ZNF518A: variants seen among roughly 807,000 people sequenced by gnomAD.
ZNF518A encodes the protein zinc finger protein 518A.
A neutral mutation model predicts 102.7 loss-of-function variants in ZNF518A; 47 were observed. That is an observed-to-expected ratio of 0.46 (90% CI 0.36 to 0.58). The LOEUF is 0.58. Ranked by LOEUF, ZNF518A falls within the 20% of genes least tolerant of loss-of-function variation. The pLI is 0.00. For missense variants in ZNF518A, 1,793 were observed against 1,699.8 expected, an observed-to-expected ratio of 1.05 and a Z score of -0.96; for synonymous variants, 652 against 594.6, an observed-to-expected ratio of 1.10 and a Z score of -1.40.
chr10:96,148,113 T>G (rs1374329083), intron 3 of ZNF518A, among the ~76,000 whole-genome samples: 1 of 152,248 alleles, frequency 6.6e-6, no homozygotes. Context: ...CCTGTTCTTA[T>G]TTCTTATATC....
At position 96,157,665 on chromosome 10, in the gene ZNF518A, A is replaced by G. The variant is rs1203261871; in HGVS notation, c.1343A>G (p.Lys448Arg). ...TATAATGCTACGTTTATGGGCTTCA[A>G]GATGATGGATGGAAAACAGCATATT... ...PNYNATFMGF[K>R]MMDGKQHIVL... The change falls in exon 6 of 6, where the codon AAG becomes AGG. Residue 448 changes from lysine to arginine, a missense_variant. Lys to Arg is a conservative substitution (Grantham distance 26). Transcript: ENST00000316045. The G allele has an allele frequency of 1.9e-6, 3 of 1,613,868 alleles. No individual in the cohort carries two copies. Among genetic ancestry groups the G allele is most frequent in the Non-Finnish European group, 2.5e-6 (3 of 1,179,792 alleles).
At chr10:96,133,257 C>CA (rs2081430247) in intron 2 of ZNF518A, among the ~76,000 whole-genome samples, 1 of 152,054 alleles carries the variant, frequency 6.6e-6, no homozygotes, top group Non-Finnish European at 1.5e-5. Flanking sequence ...TATGAATGGC[C>CA]AGAAGATTGT....
intron 1 of ZNF518A, among the ~76,000 whole-genome samples, chr10:96,192,871 C>A (rs587746245): frequency 6.6e-6 from 1 of 152,274 alleles, no homozygotes; most frequent in Non-Finnish European, 1.5e-5. Flanking sequence ...TATTTAGAAT[C>A]ACTTTTTAAA....
intron 3 of ZNF518A, among the ~76,000 whole-genome samples, chr10:96,153,414 T>C (rs188040923): frequency 1.3e-5 from 2 of 152,290 alleles, no homozygotes; most frequent in East Asian, 3.9e-4. Flanking sequence ...ATACCTAAAA[T>C]TAACCATCAC....
intron 3 of ZNF518A, among the ~76,000 whole-genome samples, chr10:96,142,491 C>T (rs1245495969): frequency 2.2e-4 from 33 of 152,074 alleles, no homozygotes; most frequent in Non-Finnish European, 1.5e-5. Flanking sequence ...GATTGAATGA[C>T]TTAAGGAATG....
At chr10:96,185,493 G>T (rs1554892480) in intron 1 of ZNF518A, among the ~76,000 whole-genome samples, 2 of 152,174 alleles carry the variant, frequency 1.3e-5, no homozygotes, top group Admixed American at 1.3e-4. Flanking sequence ...TGGGGTTTTG[G>T]TGTGGATGTT....
At chr10:96,191,851 C>T in intron 1 of ZNF518A, 1 of 1,337,046 alleles carries the variant, frequency 7.5e-7, no homozygotes, top group Non-Finnish European at 1.1e-6. Context: ...TAGCTGACTC[C>T]ATCTTCCATT....
At position 96,184,203 on chromosome 10, in the gene ZNF518A, G is replaced by A. The variant is rs587663359; in HGVS notation, n.36-19371G>A. Among the ~76,000 whole-genome samples the A allele has an allele frequency of 1.6e-4, 25 of 152,202 alleles. No homozygotes were observed. The East Asian group carries it at 1.7e-3, about 11-fold the overall frequency. ...TTTGAGCCTATGTGTGTCTCTGCAC[G>A]TGAGATGGGTCTCCTGAATACAGCA... is the stretch of plus-strand genomic sequence containing the variant. On this transcript the variant is annotated intron_variant and non_coding_transcript_variant, in intron 1 of 2. Transcript: ENST00000442635.
At chr10:96,167,503 A>C (rs2083148622), downstream of ZNF518A, among the ~76,000 whole-genome samples, 1 of 152,202 alleles carries the variant, frequency 6.6e-6, no homozygotes, top group Non-Finnish European at 1.5e-5. Context: ...GTGAAGAATT[A>C]AGGAAAGTAT....
Position 96,200,012 on chromosome 10 carries a change from AT to A in ZNF518A, n.36-3561del. On this transcript the variant is annotated intron_variant and non_coding_transcript_variant, in intron 1 of 2. Coordinates refer to the ZNF518A transcript ENST00000442635. The surrounding 1 kb of genome is among the most constrained non-coding windows in gnomAD (Gnocchi z 4.3). ...CACTGCACTCCAGTGAAACTGCATC[AT>A]CTCAAAACAAATAAATAAAATAAAA... 8.6e-7 allele frequency: 1 copy of A among 1,162,646 alleles called. No homozygotes were observed. Among genetic ancestry groups the A allele is most frequent in the Non-Finnish European group, 1.1e-6 (1 of 896,056 alleles). The allele number at this position is 1,162,646 out of a possible 1,614,324, so 72.0% of individuals were successfully genotyped here.
chr10:96,133,995 T>G lies in ZNF518A; in HGVS notation c.-302+347T>G, dbSNP rs187366000. 4.2e-3 allele frequency among the ~76,000 whole-genome samples: 636 copies of G among 152,326 alleles called. 2 individuals carry two copies. Among genetic ancestry groups the G allele is most frequent in the Non-Finnish European group, 6.9e-3 (471 of 68,026 alleles). On this transcript the variant is annotated intron_variant, in intron 3 of 5. Transcript: ENST00000316045. ...GGGTACTGTGTTATTCCTGAAGAGA[T>G]AAAGTAATTCTGAATGCTAAGAATT... is the stretch of plus-strand genomic sequence containing the variant.
At position 96,162,133 on chromosome 10, in the gene ZNF518A, CTTCTT is replaced by C. The variant is rs776312506; in HGVS notation, c.*1364_*1368del. 230 of 166,890 alleles carry C rather than the reference CTTCTT, an allele frequency of 1.4e-3. No homozygotes were observed. The highest frequency in any genetic ancestry group is 2.9e-3 in the Non-Finnish European group (197 of 67,988). The allele number at this position is 166,890 out of a possible 1,614,324, so 10.3% of individuals were successfully genotyped here. On this transcript the variant is annotated 3_prime_UTR_variant, in exon 6 of 6. Coordinates refer to ENST00000316045, the MANE Select transcript of ZNF518A (RefSeq NM_001330736.2). Reference sequence around the variant, plus strand: ...TCATTAATGGATGAAAACTTCAGGGCTTCTTTTCTGTATATAACAAATTAAGTCTG... The same window carrying C: ...TCATTAATGGATGAAAACTTCAGGGCTTCTGTATATAACAAATTAAGTCTG...
chr10:96,204,450 T>C (rs1212105285), downstream of ZNF518A: 11 of 1,402,924 alleles, frequency 7.8e-6, no homozygotes, highest in East Asian at 2.3e-5. Flanking sequence ...TGCAAGTCAG[T>C]GTCACTGTGC....
At chr10:96,156,136 T>G in intron 5 of ZNF518A, 61 bp from the exon 6 acceptor site, 1 of 437,484 alleles carries the variant, frequency 2.3e-6, no homozygotes, top group East Asian at 3.8e-5. Context: ...AAAATGAACT[T>G]ACAGATACGA....
rs782010579 is a variant in ZNF518A, at chr10:96,163,603, G to T, written c.*2829G>T. 1.8e-5 allele frequency: 3 copies of T among 166,652 alleles called. No individual in the cohort carries two copies. The highest frequency in any genetic ancestry group is 6.6e-5 in the Admixed American group (1 of 15,242). 10.3% of individuals were successfully genotyped at this position (166,652 alleles called of 1,614,324 possible). ...TTAATGGAAAATATTTTCATTGGGGGGTTAGCAAATTTTTTCAATAAAGGG... is the reference window on the plus strand; with the variant it reads ...TTAATGGAAAATATTTTCATTGGGGTGTTAGCAAATTTTTTCAATAAAGGG... On this transcript the variant is annotated 3_prime_UTR_variant, in exon 6 of 6. Transcript: ENST00000316045.
At chr10:96,165,643 A>G (rs1382865180), downstream of ZNF518A, among the ~76,000 whole-genome samples, 5 of 152,018 alleles carry the variant, frequency 3.3e-5, no homozygotes, top group African/African-American at 1.2e-4. Context: ...GCTGCTTTAC[A>G]GGGAGGATTG....
Position 96,159,316 on chromosome 10 carries a change from C to T in ZNF518A, c.2994C>T (p.Ala998=), listed in dbSNP as rs1554885900. The T allele has an allele frequency of 6.2e-7, 1 of 1,613,322 alleles. No individual in the cohort carries two copies. The highest frequency in any genetic ancestry group is 1.3e-5 in the African/African-American group (1 of 74,864). Residue 998 remains alanine, a synonymous_variant, in exon 6 of 6, where the codon GCC becomes GCT. Transcript: ENST00000316045. The stretch of plus-strand genomic sequence containing the variant: ...TTTCCGCTGTCAAAACCGAGGGTGC[C>T]CCAGCTCGTGGAACTGTGACTAAGG... ...EGVSAVKTEG[A]PARGTVTKEP... is the part of the protein sequence containing the mutation.
At chr10:96,190,233 A>C in intron 1 of ZNF518A, 1 of 749,152 alleles carries the variant, frequency 1.3e-6, no homozygotes, top group African/African-American at 1.7e-5. Context: ...GTGGCGGCAC[A>C]CACTTAGGTG....
At position 96,157,024 on chromosome 10, in the gene ZNF518A, T is replaced by C. The variant is rs374461754; in HGVS notation, c.702T>C (p.Tyr234=). ...TTCATAGACATAATGAAATTCATTA[T>C]AAGTGTGGTAAATGTCATCATGTAT... The part of the protein sequence containing the change: ...QHIHRHNEIH[Y]KCGKCHHVCF... Residue 234 remains tyrosine (Y), a synonymous_variant, in exon 6 of 6, where the codon TAT becomes TAC. Transcript: ENST00000316045. 6.2e-7 allele frequency: 1 copy of C among 1,613,826 alleles called. No homozygotes were observed. The highest frequency in any genetic ancestry group is 1.3e-5 in the African/African-American group (1 of 75,066).
Sources: allele counts gnomAD v4.1 joint callset (sites outside exome capture counted in the v4.1 genomes callset), GRCh38; gene constraint gnomAD v4.1.1; non-coding constraint Gnocchi (gnomAD v3.1); transcripts MANE v1.5; gene names NCBI Gene and HGNC (gene_info 2026-07-23, HGNC 2026-07-21).